Variants in CFAP91 observed in about 807,000 individuals in gnomAD.
CFAP91 encodes the protein cilia- and flagella-associated protein 91.
In CFAP91, 85 loss-of-function variants were observed where a neutral mutation model predicts 95.9. The ratio of observed to expected loss-of-function variants is 0.89; its 90% confidence interval spans 0.74 to 1.06. The LOEUF (loss-of-function observed/expected upper bound fraction) is 1.06. Ranked by LOEUF, CFAP91 falls within the 50% of genes least tolerant of loss-of-function variation. The pLI, the probability that CFAP91 is intolerant of heterozygous loss-of-function variation, is 0.00. For synonymous variants in CFAP91, 335 were observed against 327.5 expected, an observed-to-expected ratio of 1.02 and a Z score of -0.25; for missense variants, 962 against 943.4, an observed-to-expected ratio of 1.02 and a Z score of -0.26.
Position 119,715,602 on chromosome 3 carries a change from C to G in CFAP91, c.541C>G (p.Leu181Val). Reference sequence around the variant, plus strand: ...TTTTCCTCCTACTTCTACTAAGCACCTATCCATCCCTTCAAAGTCTACTGT... The same window carrying G: ...TTTTCCTCCTACTTCTACTAAGCACGTATCCATCCCTTCAAAGTCTACTGT... Reference protein sequence around the residue: ...YTFPPTSTKHLSIPSKSTVGT... With the variant: ...YTFPPTSTKHVSIPSKSTVGT... The change falls in exon 6 of 18, where the codon CTA becomes GTA. Residue 181 changes from leucine to valine, a missense_variant. By Grantham distance (32) the Leu-to-Val change is conservative (BLOSUM62 1). Coordinates refer to ENST00000273390, the MANE Select transcript of CFAP91 (RefSeq NM_033364.4). The G allele has an allele frequency of 5.0e-6, 8 of 1,614,078 alleles. No homozygotes were observed. Among genetic ancestry groups the G allele is most frequent in the Non-Finnish European group, 6.8e-6 (8 of 1,179,952 alleles).
At chr3:119,728,812 C>T (rs1177303736) in intron 7 of CFAP91, among the ~76,000 whole-genome samples, 4 of 152,110 alleles carry the variant, frequency 2.6e-5, no homozygotes, top group African/African-American at 9.7e-5. Flanking sequence ...GGAAGGCTTC[C>T]CCACCTGTTC....
chr3:119,706,705 T>C (rs2053370592), intron 1 of CFAP91, 104 bp from the exon 2 acceptor site: 1 of 876,012 alleles, frequency 1.1e-6, no homozygotes, highest in South Asian at 1.5e-5. Flanking sequence ...ATTTAAACTT[T>C]TAAATTTGTT....
chr3:119,731,444 A>G (rs1245034936), intron 8 of CFAP91, among the ~76,000 whole-genome samples: 1 of 152,218 alleles, frequency 6.6e-6, no homozygotes, highest in Non-Finnish European at 1.5e-5. Flanking sequence ...ACTGCTAGAT[A>G]TTTATTTAGA....
In CFAP91 at chr3:119,726,248, C is replaced by T; in HGVS notation, c.760C>T (p.Leu254Phe). ...AREKRAWEAS[L>F]PALSDTSQFE... Reference sequence around the variant, plus strand: ...CGAGAAGCGTGCTTGGGAAGCCTCTCTCCCCGCTCTGAGTGACACCTCCCA... The same window carrying T: ...CGAGAAGCGTGCTTGGGAAGCCTCTTTCCCCGCTCTGAGTGACACCTCCCA... The change falls in exon 7 of 18, where the codon CTC becomes TTC. Residue 254 changes from leucine (L) to phenylalanine (F), a missense_variant. Physicochemically the swap from Leu to Phe is conservative, Grantham distance 22 (BLOSUM62 0). Coordinates refer to ENST00000273390, the MANE Select transcript of CFAP91 (RefSeq NM_033364.4). The T allele has an allele frequency of 6.2e-7, 1 of 1,613,884 alleles. No homozygotes were observed. The highest frequency in any genetic ancestry group is 8.5e-7 in the Non-Finnish European group (1 of 1,179,888).
intron 13 of CFAP91, among the ~76,000 whole-genome samples, chr3:119,743,321 T>C (rs1316834570): frequency 6.6e-6 from 1 of 152,010 alleles, no homozygotes; most frequent in Non-Finnish European, 1.5e-5. Flanking sequence ...TTTCTCCATA[T>C]TGGCCAGGCT....
chr3:119,733,432 A>G lies in CFAP91; in HGVS notation c.1270A>G (p.Lys424Glu), dbSNP rs758091015. The change falls in exon 10 of 18, where the codon AAA becomes GAA. Residue 424 changes from lysine (K) to glutamate (E), a missense_variant. Physicochemically the swap from Lys to Glu is moderately conservative, Grantham distance 56 (BLOSUM62 1). Transcript: ENST00000273390. The part of the protein sequence containing the change: ...TQPQIRAPKP[K>E]VITTKAGFLK... ...ACCCCAAATCAGAGCTCCAAAACCT[A>G]AAGTCATTACCACCAAAGCTGGTTT... 9 of 1,614,162 alleles carry G rather than the reference A, an allele frequency of 5.6e-6. No homozygotes were observed. In the South Asian group the frequency reaches 6.6e-5, roughly 12 times the overall value.
In CFAP91 at chr3:119,715,593, A is replaced by G. The variant is rs1467225642; in HGVS notation, c.532A>G (p.Thr178Ala). ...ACCATACACTTTTCCTCCTACTTCT[A>G]CTAAGCACCTATCCATCCCTTCAAA... ...AEPYTFPPTS[T>A]KHLSIPSKST... Residue 178 changes from threonine (T) to alanine (A), a missense_variant, in exon 6 of 18, where the codon ACT (threonine) becomes GCT (alanine). Coordinates refer to ENST00000273390, the MANE Select transcript of CFAP91 (RefSeq NM_033364.4). 11 of 1,614,050 alleles carry G rather than the reference A, an allele frequency of 6.8e-6. No individual in the cohort carries two copies. Among genetic ancestry groups the G allele is most frequent in the South Asian group, 1.1e-5 (1 of 91,084 alleles).
intron 5 of CFAP91, among the ~76,000 whole-genome samples, chr3:119,710,546 C>T (rs1221862057): frequency 1.3e-5 from 2 of 152,206 alleles, no homozygotes; most frequent in Non-Finnish European, 2.9e-5. Context: ...TAAGTTTAAA[C>T]ATGAATTTTG....
chr3:119,719,691 A>G (rs2053645182), intron 6 of CFAP91, among the ~76,000 whole-genome samples: 1 of 152,244 alleles, frequency 6.6e-6, no homozygotes, highest in Admixed American at 6.5e-5. Flanking sequence ...AGGAAGCATC[A>G]AGAAAGAAGA....
intron 3 of CFAP91, among the ~76,000 whole-genome samples, 165 bp downstream of exon 3, chr3:119,707,726 A>G (rs2053395822): frequency 8.1e-6 from 1 of 123,754 alleles, no homozygotes; most frequent in South Asian, 2.7e-4. Context: ...TATATTGTAT[A>G]TATGAGATAT....
chr3:119,732,447 T>TAA lies in CFAP91; in HGVS notation c.1177_1178dup (p.Asn393LysfsTer11). 6.2e-7 allele frequency: 1 copy of TAA among 1,606,356 alleles called. No homozygotes were observed. The highest frequency in any genetic ancestry group is 8.5e-7 in the Non-Finnish European group (1 of 1,177,702). On this transcript the variant is annotated frameshift_variant, in exon 9 of 18. Transcript: ENST00000273390. LOFTEE classifies it high-confidence loss of function. ...GACAACAACTCAGAGGACTTTGTAG[T>TAA]AAAAAACTACTATCTCAACACCTAT...
chr3:119,738,943 T>C (rs1372545594), intron 11 of CFAP91, among the ~76,000 whole-genome samples: 2 of 152,208 alleles, frequency 1.3e-5, no homozygotes, highest in Non-Finnish European at 2.9e-5. Context: ...GCAATACTTG[T>C]TGCTTTAAGA....
intron 10 of CFAP91, among the ~76,000 whole-genome samples, chr3:119,736,233 G>A (rs1018092303): frequency 5.5e-5 from 8 of 145,010 alleles, no homozygotes; most frequent in Admixed American, 4.8e-4. Flanking sequence ...CTTCCCCTCA[G>A]CCCCTGGCAA....
chr3:119,710,168 G>C (rs1186211884), intron 5 of CFAP91: 1 of 314,904 alleles, frequency 3.2e-6, no homozygotes, highest in African/African-American at 2.2e-5. Flanking sequence ...ATATGTATAT[G>C]ATGGATTATG....
chr3:119,752,687 T>A (rs1440038149), intron 17 of CFAP91, among the ~76,000 whole-genome samples: 2 of 152,190 alleles, frequency 1.3e-5, no homozygotes, highest in African/African-American at 4.8e-5. Context: ...CCTTTACTTC[T>A]GATTATGGTA....
intron 6 of CFAP91, among the ~76,000 whole-genome samples, chr3:119,717,583 A>G (rs1199617498): frequency 1.6e-5 from 2 of 126,756 alleles, no homozygotes; most frequent in Non-Finnish European, 3.3e-5. Flanking sequence ...AAACATCTTT[A>G]TAACAAGTTA....
chr3:119,707,166 G>T, intron 2 of CFAP91: 1 of 539,680 alleles, frequency 1.9e-6, no homozygotes, highest in Non-Finnish European at 3.3e-6. Flanking sequence ...TAGTATAAAA[G>T]CATATACAGT....
At chr3:119,738,292 C>G (rs748922870) in intron 11 of CFAP91, among the ~76,000 whole-genome samples, 24 of 118,634 alleles carry the variant, frequency 2.0e-4, no homozygotes, top group Non-Finnish European at 3.5e-4. Context: ...ATAACATTCT[C>G]TTTTCTAGAC....
chr3:119,747,010 A>AATAT, intron 14 of CFAP91, 105 bp from the exon 15 acceptor site: 1 of 857,078 alleles, frequency 1.2e-6, no homozygotes, highest in Non-Finnish European at 1.7e-6. Flanking sequence ...TGACTTATTA[A>AATAT]ATGAAATATA....
Sources: gnomAD v4.1 joint callset for allele counts (sites outside exome capture counted in the v4.1 genomes callset) on GRCh38, gnomAD v4.1.1 for gene constraint, MANE v1.5 for transcripts, NCBI Gene and HGNC (gene_info 2026-07-23, HGNC 2026-07-21) for gene names.